Variants in WDR49 observed in about 807,000 individuals in gnomAD.
WDR49 encodes the protein WD repeat domain 49.
In WDR49, 107 loss-of-function variants were observed where a neutral mutation model predicts 119.5. That is an observed-to-expected ratio of 0.90 (90% CI 0.77 to 1.05). The LOEUF (loss-of-function observed/expected upper bound fraction) is 1.05. WDR49 is among the 50% of genes least tolerant of loss of function. The pLI, the probability that WDR49 is intolerant of heterozygous loss-of-function variation, is 0.00. For synonymous variants in WDR49, 425 were observed against 418.8 expected (o/e 1.01, Z -0.18); for missense variants, 1,240 against 1,220.5 (o/e 1.02, Z -0.24).
rs190356175 is a variant in WDR49 at position 167,635,965 on chromosome 3, A to T, written c.166-8673T>A. Among the ~76,000 whole-genome samples, 756 of 151,312 alleles carry T rather than the reference A, an allele frequency of 5.0e-3. 4 individuals are homozygous for T. Among genetic ancestry groups the T allele is most frequent in the East Asian group, 0.025 (127 of 5,128 alleles). On this transcript the variant is annotated intron_variant, in intron 2 of 18. Coordinates refer to ENST00000682715, the MANE Select transcript of WDR49 (RefSeq NM_001366157.1). The stretch of plus-strand genomic sequence containing the variant: ...AAGCACTCACCACTAAATTAAAAAA[A>T]TTTTTTTTTATTTCCATAGGTTTTT...
chr3:167,485,278 T>C (rs1459355387), intron 18 of WDR49, among the ~76,000 whole-genome samples: 1 of 151,856 alleles, frequency 6.6e-6, no homozygotes, highest in Non-Finnish European at 1.5e-5. Flanking sequence ...GGTTGACAGG[T>C]GCAGCAAACC....
intron 8 of WDR49, among the ~76,000 whole-genome samples, chr3:167,571,788 T>G (rs1356186890): frequency 6.6e-6 from 1 of 152,234 alleles, no homozygotes; most frequent in East Asian, 1.9e-4. Context: ...AATAATCATG[T>G]AACATTTTGC....
intron 16 of WDR49, among the ~76,000 whole-genome samples, chr3:167,513,031 A>G (rs566232323): frequency 3.9e-5 from 6 of 152,368 alleles, no homozygotes; most frequent in African/African-American, 1.4e-4. Context: ...AACATACTTC[A>G]GGATATCATC....
chr3:167,554,393 G>A (rs1196516331), intron 10 of WDR49, among the ~76,000 whole-genome samples: 3 of 152,096 alleles, frequency 2.0e-5, no homozygotes, highest in Admixed American at 6.6e-5. Flanking sequence ...TTGGAACCTA[G>A]GAAGTGGTAA....
chr3:167,586,879 T>A (rs866847956), intron 7 of WDR49, among the ~76,000 whole-genome samples: 12 of 152,292 alleles, frequency 7.9e-5, no homozygotes, highest in African/African-American at 2.9e-4. Flanking sequence ...CACCTGTGAC[T>A]CTAAAGACAT....
At chr3:167,539,925 A>G (rs962169614) in intron 10 of WDR49, among the ~76,000 whole-genome samples, 1 of 152,086 alleles carries the variant, frequency 6.6e-6, no homozygotes, top group African/African-American at 2.4e-5. Context: ...ACCTACCACG[A>G]TAGGCATTTA....
chr3:167,496,443 C>T (rs1751355931), intron 18 of WDR49, among the ~76,000 whole-genome samples: 1 of 151,952 alleles, frequency 6.6e-6, no homozygotes, highest in African/African-American at 2.4e-5. Flanking sequence ...CACTCCTCTA[C>T]CAGAGTATCA....
At chr3:167,487,165 T>C (rs1244086981) in intron 18 of WDR49, among the ~76,000 whole-genome samples, 2 of 152,058 alleles carry the variant, frequency 1.3e-5, no homozygotes, top group East Asian at 3.9e-4. Flanking sequence ...AGCATGGTAC[T>C]GACACAAAAA....
chr3:167,609,367 G>A (rs1716227833), intron 5 of WDR49, among the ~76,000 whole-genome samples: 1 of 152,164 alleles, frequency 6.6e-6, no homozygotes, highest in Non-Finnish European at 1.5e-5. Flanking sequence ...ACTGCGTGGT[G>A]CTGAGAGCTT....
chr3:167,623,250 C>G (rs1257276154), intron 3 of WDR49, among the ~76,000 whole-genome samples: 1 of 151,994 alleles, frequency 6.6e-6, no homozygotes, highest in Non-Finnish European at 1.5e-5. Flanking sequence ...AACTGCAGAT[C>G]TATACATCTT....
At chr3:167,584,919 T>C (rs1714728345) in intron 7 of WDR49, among the ~76,000 whole-genome samples, 3 of 152,142 alleles carry the variant, frequency 2.0e-5, no homozygotes, top group Non-Finnish European at 4.4e-5. Context: ...TTTTTTTAAG[T>C]CTTGACTATC....
chr3:167,567,906 T>C (rs1485216964), intron 8 of WDR49, among the ~76,000 whole-genome samples: 1 of 152,192 alleles, frequency 6.6e-6, no homozygotes, highest in Non-Finnish European at 1.5e-5. Flanking sequence ...TGTCCAGGCC[T>C]TCATGTTGTA....
chr3:167,484,407 G>T (rs6809372), intron 18 of WDR49, among the ~76,000 whole-genome samples: 1 of 151,906 alleles, frequency 6.6e-6, no homozygotes, highest in Admixed American at 6.6e-5. Flanking sequence ...TAACAAACCT[G>T]CAGGTTGTAC....
chr3:167,527,834 A>T lies in WDR49; in HGVS notation c.2590T>A (p.Trp864Arg). Residue 864 changes from tryptophan to arginine, a missense_variant, in exon 15 of 19, where the codon TGG becomes AGG. Transcript: ENST00000682715. The part of the protein sequence containing the change: ...CVTGVCNAPV[W>R]IFGQAKHWHI... ...AATATTTCTACCTGACCAAAGATCC[A>T]AACAGGAGCATTGCAGACACCAGTC... 6.2e-7 allele frequency: 1 copy of T among 1,612,790 alleles called. No individual in the cohort carries two copies. Among genetic ancestry groups the T allele is most frequent in the East Asian group, 2.2e-5 (1 of 44,798 alleles).
intron 10 of WDR49, among the ~76,000 whole-genome samples, chr3:167,548,349 T>A (rs1357472775): frequency 6.6e-6 from 1 of 152,182 alleles, no homozygotes; most frequent in Non-Finnish European, 1.5e-5. Flanking sequence ...TAATGGCACA[T>A]AGATTATCAT....
At chr3:167,540,053 C>G (rs1711688927) in intron 10 of WDR49, among the ~76,000 whole-genome samples, 1 of 152,116 alleles carries the variant, frequency 6.6e-6, no homozygotes, top group Non-Finnish European at 1.5e-5. Flanking sequence ...GGTGCTTTCT[C>G]AAAAGCACCA....
chr3:167,553,923 T>A (rs1560282783), intron 10 of WDR49, among the ~76,000 whole-genome samples: 4 of 152,160 alleles, frequency 2.6e-5, no homozygotes, highest in Admixed American at 6.5e-5. Context: ...GCTGGTTTTC[T>A]AGGTATAAAA....
intron 2 of WDR49, among the ~76,000 whole-genome samples, chr3:167,639,968 C>G (rs886462753): frequency 2.0e-5 from 3 of 151,758 alleles, no homozygotes; most frequent in African/African-American, 7.2e-5. Context: ...TACTAGGAAT[C>G]CTTCCATGTT....
upstream of WDR49, among the ~76,000 whole-genome samples, chr3:167,655,408 G>A (rs1256679051): frequency 2.0e-5 from 3 of 152,168 alleles, no homozygotes; most frequent in African/African-American, 4.8e-5. Context: ...AAACTAAAAA[G>A]TTGGCATTAC....
Sources: allele counts gnomAD v4.1 joint callset (sites outside exome capture counted in the v4.1 genomes callset), GRCh38; gene constraint gnomAD v4.1.1; transcripts MANE v1.5; gene names NCBI Gene and HGNC (gene_info 2026-07-23, HGNC 2026-07-21).